Variants in SH3PXD2A observed in about 807,000 individuals in gnomAD.
SH3PXD2A encodes SH3 and PX domains 2A, also known as SH3 and PX domain-containing protein 2A.
SH3PXD2A carries 32 observed loss-of-function variants against 115.2 expected under a neutral mutation model. That is an observed-to-expected ratio of 0.28 (90% CI 0.21 to 0.37). The LOEUF is 0.37. Among genes scored for constraint, SH3PXD2A ranks in the 10% least tolerant of loss-of-function variants. The pLI, the probability that SH3PXD2A is intolerant of heterozygous loss-of-function variation, is 1.00. For missense variants in SH3PXD2A, 1,328 were observed against 1,498.7 expected, an observed-to-expected ratio of 0.89 and a Z score of 1.88; for synonymous variants, 610 against 629.1, an observed-to-expected ratio of 0.97 and a Z score of 0.45.
chr10:103,804,390 C>T (rs1467904513), intron 1 of SH3PXD2A, among the ~76,000 whole-genome samples: 3 of 135,534 alleles, frequency 2.2e-5, no homozygotes, highest in Non-Finnish European at 3.0e-5. Context: ...GGCGTGATCT[C>T]GGCTCATTGT....
Position 103,754,968 on chromosome 10 carries a change from C to G in SH3PXD2A, c.229+12126G>C, listed in dbSNP as rs181149303. The G allele has an allele frequency of 1.7e-4, 26 of 152,314 alleles. No homozygotes were observed. The East Asian group carries it at 4.2e-3, about 25-fold the overall frequency. 9.4% of individuals were successfully genotyped at this position (152,314 alleles called of 1,614,324 possible). On this transcript the variant is annotated intron_variant, in intron 3 of 14. Coordinates refer to ENST00000369774, the MANE Select transcript of SH3PXD2A (RefSeq NM_001394015.1). ...TCTGATGGACCTTCAAACATTGCTT[C>G]TCCAACTTTATGGTGCACACAAATC...
At position 103,594,993 on chromosome 10, in the gene SH3PXD2A, T is replaced by C. The variant is rs2036113575; in HGVS notation, c.*6823A>G. On this transcript the variant is annotated 3_prime_UTR_variant, in exon 15 of 15. Coordinates refer to ENST00000369774, the MANE Select transcript of SH3PXD2A (RefSeq NM_001394015.1). ...ATGACCCATTGTGGTCACTGCTCTT[T>C]GAGCCATACAACTTGAGAGACTGGC... 1 of 152,242 alleles carries C rather than the reference T, an allele frequency of 6.6e-6. No individual in the cohort carries two copies. Among genetic ancestry groups the C allele is most frequent in the Non-Finnish European group, 1.5e-5 (1 of 68,040 alleles). The allele number at this position is 152,242 out of a possible 1,614,324, so 9.4% of individuals were successfully genotyped here.
At chr10:103,730,232 C>CTTTTT (rs67561170) in intron 4 of SH3PXD2A, among the ~76,000 whole-genome samples, 16 of 118,166 alleles carry the variant, frequency 1.4e-4, no homozygotes, top group Non-Finnish European at 2.0e-4. Flanking sequence ...TTTCTCGTTT[C>CTTTTT]TTTTTTTTTT....
chr10:103,618,478 A>G (rs2036553842), intron 10 of SH3PXD2A, among the ~76,000 whole-genome samples: 1 of 151,898 alleles, frequency 6.6e-6, no homozygotes, highest in Admixed American at 6.6e-5. Flanking sequence ...AGAGTGGAAC[A>G]CTCCCCACCT....
At chr10:103,613,896 A>G (rs1398608880) in intron 11 of SH3PXD2A, among the ~76,000 whole-genome samples, 3 of 152,126 alleles carry the variant, frequency 2.0e-5, no homozygotes, top group Non-Finnish European at 4.4e-5. Flanking sequence ...TCCTCTATAG[A>G]CTGTCACAGA....
chr10:103,635,318 G>A (rs2036847367), intron 8 of SH3PXD2A, among the ~76,000 whole-genome samples: 1 of 152,200 alleles, frequency 6.6e-6, no homozygotes, highest in Admixed American at 6.5e-5. Flanking sequence ...GGGGCAGGGA[G>A]CTTGGTGGCA....
At chr10:103,833,885 G>A (rs956770406) in intron 1 of SH3PXD2A, among the ~76,000 whole-genome samples, 1 of 152,326 alleles carries the variant, frequency 6.6e-6, no homozygotes, top group African/African-American at 2.4e-5. Flanking sequence ...AACTTGGTAA[G>A]AGGGCTGGGG....
At chr10:103,684,362 A>AC (rs1378813231) in intron 6 of SH3PXD2A, among the ~76,000 whole-genome samples, 1 of 126,662 alleles carries the variant, frequency 7.9e-6, no homozygotes, top group Non-Finnish European at 1.8e-5. Context: ...AGGTAGACTA[A>AC]CCCTTTTTTT....
chr10:103,735,699 G>T, intron 4 of SH3PXD2A, 33 bp downstream of exon 4: 2 of 624,548 alleles, frequency 3.2e-6, no homozygotes, highest in Non-Finnish European at 5.9e-6. Context: ...AGCCCTCCCC[G>T]AGCCCCTCCC....
At chr10:103,765,229 A>T (rs2038741718) in intron 3 of SH3PXD2A, among the ~76,000 whole-genome samples, 1 of 152,184 alleles carries the variant, frequency 6.6e-6, no homozygotes, top group Admixed American at 6.5e-5. Flanking sequence ...TAGCGGCAGT[A>T]CACAAGCCTT....
At chr10:103,816,604 A>C (rs1394305529) in intron 1 of SH3PXD2A, among the ~76,000 whole-genome samples, 2 of 152,234 alleles carry the variant, frequency 1.3e-5, no homozygotes, top group African/African-American at 4.8e-5. Context: ...TCAGCTCCTC[A>C]GATGGTTAAA....
At chr10:103,830,870 G>T (rs1564899493) in intron 1 of SH3PXD2A, among the ~76,000 whole-genome samples, 1 of 151,972 alleles carries the variant, frequency 6.6e-6, no homozygotes, top group African/African-American at 2.4e-5. Flanking sequence ...TAGGATTGAG[G>T]ATTAGGGCTA....
chr10:103,649,263 T>C lies in SH3PXD2A; in HGVS notation c.604+11720A>G, dbSNP rs183931947. On this transcript the variant is annotated intron_variant, in intron 8 of 14. Coordinates refer to ENST00000369774, the MANE Select transcript of SH3PXD2A (RefSeq NM_001394015.1). ...ATCTGGAAAGCAACCATGGCCACTGTCTCCACTCCTAATCACCCCTCCATG... is the reference window on the plus strand; with the variant it reads ...ATCTGGAAAGCAACCATGGCCACTGCCTCCACTCCTAATCACCCCTCCATG... 5.9e-5 allele frequency among the ~76,000 whole-genome samples: 9 copies of C among 152,236 alleles called. No individual in the cohort carries two copies. In the South Asian group the frequency reaches 1.0e-3, roughly 18 times the overall value.
intron 5 of SH3PXD2A, among the ~76,000 whole-genome samples, chr10:103,717,147 G>A (rs1475761874): frequency 6.6e-6 from 1 of 152,202 alleles, no homozygotes; most frequent in Non-Finnish European, 1.5e-5. Flanking sequence ...TGGCAGAGCT[G>A]GTCTCTGACC....
intron 4 of SH3PXD2A, among the ~76,000 whole-genome samples, chr10:103,731,468 G>A (rs2038319130): frequency 1.3e-5 from 2 of 152,256 alleles, no homozygotes; most frequent in South Asian, 2.1e-4. Context: ...GGCCTCTGAA[G>A]GTCTTTAAGG....
At chr10:103,633,277 G>A (rs781702262) in intron 8 of SH3PXD2A, among the ~76,000 whole-genome samples, 11 of 152,068 alleles carry the variant, frequency 7.2e-5, no homozygotes, top group Admixed American at 3.3e-4. Context: ...TTAGCCAGGT[G>A]TAGTGGCCCA....
At chr10:103,658,218 C>T (rs1592286118) in intron 8 of SH3PXD2A, among the ~76,000 whole-genome samples, 1 of 152,218 alleles carries the variant, frequency 6.6e-6, no homozygotes, top group African/African-American at 2.4e-5. Flanking sequence ...GTGGCTGGGT[C>T]CCCCTGTGGA....
intron 3 of SH3PXD2A, chr10:103,754,896 A>G (rs556029803): frequency 1.3e-5 from 2 of 152,320 alleles, no homozygotes; most frequent in South Asian, 2.1e-4. Context: ...AACGTAACCA[A>G]GCACCAAGAG....
At chr10:103,614,279 G>A (rs960642611) in intron 11 of SH3PXD2A, among the ~76,000 whole-genome samples, 2 of 152,130 alleles carry the variant, frequency 1.3e-5, no homozygotes, top group South Asian at 2.1e-4. Context: ...GTGATTTGGG[G>A]AAAACTGATG....
Sources: allele counts gnomAD v4.1 joint callset (sites outside exome capture counted in the v4.1 genomes callset), GRCh38; gene constraint gnomAD v4.1.1; transcripts MANE v1.5; gene names NCBI Gene and HGNC (gene_info 2026-07-23, HGNC 2026-07-21).